The following CPEB4 variants were observed in gnomAD, a reference collection of about 807,000 sequenced individuals.
CPEB4 encodes cytoplasmic polyadenylation element-binding protein 4.
CPEB4 carries 12 observed loss-of-function variants against 72.5 expected under a neutral mutation model. The observed-to-expected ratio is 0.17, with a 90% CI of 0.11 to 0.27. CPEB4 has a LOEUF of 0.27. CPEB4 is among the 10% of genes least tolerant of loss of function. The pLI is 1.00. For missense variants in CPEB4, 614 were observed against 908.5 expected, an observed-to-expected ratio of 0.68 and a Z score of 4.17; for synonymous variants, 302 against 326.3, an observed-to-expected ratio of 0.93 and a Z score of 0.80.
rs937140611 is a variant in CPEB4 at position 173,900,989 on chromosome 5, A to G, written c.1126-9534A>G. 1.3e-5 allele frequency among the ~76,000 whole-genome samples: 2 copies of G among 152,150 alleles called. No homozygotes were observed. Among genetic ancestry groups the G allele is most frequent in the Non-Finnish European group, 2.9e-5 (2 of 68,020 alleles). ...AGTATCACAAGTATCAAAGCTTGTGATAGATTTTAATTATTTCTCTCTGCT... is the reference window on the plus strand; with the variant it reads ...AGTATCACAAGTATCAAAGCTTGTGGTAGATTTTAATTATTTCTCTCTGCT... On this transcript the variant is annotated intron_variant, in intron 1 of 9. Transcript: ENST00000265085. The surrounding 1 kb of genome is among the most constrained non-coding windows in gnomAD (Gnocchi z 4.4).
Position 173,890,299 on chromosome 5 carries a change from T to G in CPEB4, c.566T>G (p.Phe189Cys), listed in dbSNP as rs772748620. The G allele has an allele frequency of 1.2e-6, 2 of 1,614,122 alleles. No individual in the cohort carries two copies. Among genetic ancestry groups the G allele is most frequent in the South Asian group, 2.2e-5 (2 of 91,074 alleles). The change falls in exon 1 of 10, where the codon TTC becomes TGC. Residue 189 changes from phenylalanine to cysteine, a missense_variant. Physicochemically the swap from Phe to Cys is radical, Grantham distance 205. Around this residue, in one of 5 missense-constraint regions of CPEB4, gnomAD observed 458 missense variants for 548.6 expected, o/e 0.83. Transcript: ENST00000265085. Reference sequence around the variant, plus strand: ...ACAATAATCAATGAAGATGCAAGTTTCTTTCACCAGGGAGGGGTCCCTGCT... The same window carrying G: ...ACAATAATCAATGAAGATGCAAGTTGCTTTCACCAGGGAGGGGTCCCTGCT... ...SSTIINEDAS[F>C]FHQGGVPAAS...
At chr5:173,895,821 G>GT (rs902337480) in intron 1 of CPEB4, among the ~76,000 whole-genome samples, 7 of 152,144 alleles carry the variant, frequency 4.6e-5, no homozygotes, top group African/African-American at 1.7e-4. Context: ...CCAGGGTAGA[G>GT]TTTTTTTCTT....
chr5:173,929,697 CA>C (rs1757372258), intron 2 of CPEB4, among the ~76,000 whole-genome samples: 2 of 151,900 alleles, frequency 1.3e-5, no homozygotes, highest in Admixed American at 1.3e-4. Flanking sequence ...GACCCTGTCT[CA>C]AAAATTAAAA....
chr5:173,899,205 G>A (rs768902775), intron 1 of CPEB4, among the ~76,000 whole-genome samples: 1 of 152,130 alleles, frequency 6.6e-6, no homozygotes, highest in Non-Finnish European at 1.5e-5. Context: ...TCCCATGTAT[G>A]TGTCACCTGG....
chr5:173,902,492 G>A (rs1466718988), intron 1 of CPEB4, among the ~76,000 whole-genome samples: 3 of 152,092 alleles, frequency 2.0e-5, no homozygotes, highest in African/African-American at 7.2e-5. Flanking sequence ...ATAATAGAGT[G>A]GTGGTGGTGG....
chr5:173,905,396 G>A (rs1210519377), intron 1 of CPEB4, among the ~76,000 whole-genome samples: 1 of 151,576 alleles, frequency 6.6e-6, no homozygotes, highest in Non-Finnish European at 1.5e-5. Context: ...GTGCAATGGT[G>A]TGATCTCAGC....
In CPEB4 at chr5:173,890,136, A is replaced by G; in HGVS notation, c.403A>G (p.Ile135Val). Residue 135 changes from isoleucine (I) to valine (V), a missense_variant, in exon 1 of 10, where the codon ATC (isoleucine) becomes GTC (valine). This residue lies in a region of CPEB4 where 458 missense variants were observed against 548.6 expected (regional missense o/e 0.83). Coordinates refer to ENST00000265085, the MANE Select transcript of CPEB4 (RefSeq NM_030627.4). The part of the protein sequence containing the change: ...ENGNGKEKIR[I>V]ESPVLTGFDY... The stretch of plus-strand genomic sequence containing the variant: ...TGGCAATGGGAAGGAGAAAATAAGG[A>G]TCGAATCTCCAGTGTTGACAGGGTT... 6.2e-7 allele frequency: 1 copy of G among 1,614,088 alleles called. No homozygotes were observed. The highest frequency in any genetic ancestry group is 1.1e-5 in the South Asian group (1 of 91,076).
intron 2 of CPEB4, among the ~76,000 whole-genome samples, chr5:173,927,649 C>T (rs1003770329): frequency 4.0e-5 from 6 of 151,762 alleles, no homozygotes; most frequent in African/African-American, 1.2e-4. Context: ...TGGTGGTGCT[C>T]GCCTGTAGTC....
chr5:173,939,455 G>A (rs2113260493), intron 3 of CPEB4, among the ~76,000 whole-genome samples: 1 of 152,106 alleles, frequency 6.6e-6, no homozygotes, highest in Non-Finnish European at 1.5e-5. Flanking sequence ...TGCAACAAAT[G>A]AGAAAAAAGT....
rs1047343041 is a variant in CPEB4, at chr5:173,891,699, C to T, written c.1125+841C>T. The T allele has an allele frequency of 2.0e-5, 3 of 152,180 alleles. No homozygotes were observed. The East Asian group carries it at 5.8e-4, about 29-fold the overall frequency. 9.4% of individuals were successfully genotyped at this position (152,180 alleles called of 1,614,324 possible). A position where few individuals can be genotyped will look rare whatever the true frequency, so the allele number is the denominator to read the frequency against. On this transcript the variant is annotated intron_variant, in intron 1 of 9. Coordinates refer to ENST00000265085, the MANE Select transcript of CPEB4 (RefSeq NM_030627.4). ...TCATTGATGTTTTTGAATTAATGAG[C>T]AGCAAGTTAGGTTGATATGAACTAG...
chr5:173,909,516 G>A (rs1029775138), intron 1 of CPEB4, among the ~76,000 whole-genome samples: 2 of 112,790 alleles, frequency 1.8e-5, no homozygotes, highest in African/African-American at 6.7e-5. Context: ...GTTGGGGGAA[G>A]GGAGAGTCTA....
At position 173,889,962 on chromosome 5, in the gene CPEB4, T is replaced by A. The variant is rs1755745360; in HGVS notation, c.229T>A (p.Ser77Thr). The change falls in exon 1 of 10, where the codon TCA (serine) becomes ACA (threonine). Residue 77 changes from serine (S) to threonine (T), a missense_variant. By Grantham distance (58) the Ser-to-Thr change is moderately conservative (BLOSUM62 1). This residue lies in a region of CPEB4 where 458 missense variants were observed against 548.6 expected (regional missense o/e 0.83). Coordinates refer to ENST00000265085, the MANE Select transcript of CPEB4 (RefSeq NM_030627.4). ...TAACATTCAGGATGAGATCTTGGGG[T>A]CAGAAAAAGCAAAAAGTCAGCAACA... ...THNIQDEILG[S>T]EKAKSQQQEQ... The A allele has an allele frequency of 6.2e-7, 1 of 1,613,938 alleles. No homozygotes were observed. The highest frequency in any genetic ancestry group is 8.5e-7 in the Non-Finnish European group (1 of 1,179,972).
At chr5:173,923,699 C>T (rs541890958) in intron 2 of CPEB4, among the ~76,000 whole-genome samples, 2 of 151,944 alleles carry the variant, frequency 1.3e-5, no homozygotes, top group African/African-American at 2.4e-5. Flanking sequence ...ATTTTTTTCA[C>T]CTTTTTTTTT....
intron 5 of CPEB4, among the ~76,000 whole-genome samples, chr5:173,945,828 G>T (rs1479206191): frequency 2.0e-5 from 3 of 152,202 alleles, no homozygotes; most frequent in African/African-American, 7.2e-5. Flanking sequence ...ACCTGAATAA[G>T]GAGCCAGCCA....
In CPEB4 at chr5:173,901,615, C is replaced by A. The variant is rs376008586; in HGVS notation, c.1126-8908C>A. 5.2e-4 allele frequency among the ~76,000 whole-genome samples: 79 copies of A among 152,356 alleles called. 1 individual carries two copies. Among genetic ancestry groups the A allele is most frequent in the Middle Eastern group, 6.8e-3 (2 of 294 alleles). ...CACTTAAACCACTTTTCCTGAACAT[C>A]TGCTCTGAAGTCAGACTCGACCACT... is the stretch of plus-strand genomic sequence containing the variant. On this transcript the variant is annotated intron_variant, in intron 1 of 9. Coordinates refer to ENST00000265085, the MANE Select transcript of CPEB4 (RefSeq NM_030627.4).
rs1391465928 is a variant in CPEB4 at position 173,955,691 on chromosome 5, T to A, written c.1963-219T>A. On this transcript the variant is annotated intron_variant, in intron 9 of 9. Coordinates refer to ENST00000265085, the MANE Select transcript of CPEB4 (RefSeq NM_030627.4). The surrounding 1 kb of genome is among the most constrained non-coding windows in gnomAD (Gnocchi z 4.7). ...CTCAAATCCTTTTTCCTTTAAAGGATGTTTATTTAATAAGAAAAAAATGTA... is the reference window on the plus strand; with the variant it reads ...CTCAAATCCTTTTTCCTTTAAAGGAAGTTTATTTAATAAGAAAAAAATGTA... Among the ~76,000 whole-genome samples, 1 of 152,208 alleles carries A rather than the reference T, an allele frequency of 6.6e-6. No individual in the cohort carries two copies. Among genetic ancestry groups the A allele is most frequent in the African/African-American group, 2.4e-5 (1 of 41,440 alleles).
At chr5:173,896,892 C>G (rs1170185738) in intron 1 of CPEB4, among the ~76,000 whole-genome samples, 2 of 152,140 alleles carry the variant, frequency 1.3e-5, no homozygotes, top group Non-Finnish European at 2.9e-5. Context: ...CAGACCCCAT[C>G]TCTAGAAAAA....
chr5:173,911,682 T>A (rs897391562), intron 2 of CPEB4, among the ~76,000 whole-genome samples: 2 of 8,602 alleles, frequency 2.3e-4, no homozygotes, highest in African/African-American at 6.3e-4. Flanking sequence ...AGAAAGCAGG[T>A]TTTTTTTTTT....
intron 2 of CPEB4, 72 bp from the exon 3 acceptor site, chr5:173,932,378 G>A (rs1303752333): frequency 6.1e-6 from 7 of 1,151,798 alleles, no homozygotes; most frequent in Non-Finnish European, 7.7e-6. Flanking sequence ...AGTCAATTCA[G>A]CTCTGTTATT....
Sources: gnomAD v4.1 joint callset for allele counts (sites outside exome capture counted in the v4.1 genomes callset) on GRCh38, gnomAD v4.1.1 for gene constraint, gnomAD v4.1.1 regional missense constraint, Gnocchi (gnomAD v3.1) non-coding constraint, MANE v1.5 for transcripts, NCBI Gene and HGNC (gene_info 2026-07-23, HGNC 2026-07-21) for gene names.